The following OR14I1 variants were observed in gnomAD, a reference collection of about 807,000 sequenced individuals.
The protein encoded by OR14I1 is olfactory receptor family 14 subfamily I member 1.
For missense variants in OR14I1, 279 were observed against 181.8 expected, an observed-to-expected ratio of 1.53 and a Z score of -3.07; for synonymous variants, 118 against 71.1, an observed-to-expected ratio of 1.66 and a Z score of -3.32.
the OR14I1 span, among the ~76,000 whole-genome samples, chr1:248,699,549 G>T: frequency 6.6e-6 from 1 of 152,116 alleles, no homozygotes. Context: ...AGGAGGAGTG[G>T]GGGAGAGGAA....
At chr1:248,697,780 T>A in the OR14I1 span, among the ~76,000 whole-genome samples, 2 of 152,064 alleles carry the variant, frequency 1.3e-5, no homozygotes, top group Non-Finnish European at 2.9e-5. Context: ...CAAAACTCCA[T>A]CTCAAAAAAA....
At chr1:248,679,015 A>C (rs1654052771), downstream of OR14I1, among the ~76,000 whole-genome samples, 1 of 152,208 alleles carries the variant, frequency 6.6e-6, no homozygotes, top group African/African-American at 2.4e-5. Flanking sequence ...GGCTTGTCTA[A>C]AATTTGTATA....
chr1:248,702,347 C>A, the OR14I1 span, among the ~76,000 whole-genome samples: 1 of 152,142 alleles, frequency 6.6e-6, no homozygotes, highest in Non-Finnish European at 1.5e-5. Flanking sequence ...TACTCTCATT[C>A]CAAAAGGGAG....
At chr1:248,685,163 TAAATA>T (rs1211993940), upstream of OR14I1, among the ~76,000 whole-genome samples, 3 of 152,034 alleles carry the variant, frequency 2.0e-5, no homozygotes, top group Non-Finnish European at 4.4e-5. Flanking sequence ...CATTATAGAT[TAAATA>T]AAATACCTCA....
At chr1:248,691,608 C>T in the OR14I1 span, among the ~76,000 whole-genome samples, 3 of 152,230 alleles carry the variant, frequency 2.0e-5, no homozygotes, top group Non-Finnish European at 2.9e-5. Context: ...GGAACTAGCC[C>T]ACCAGGCTTT....
the OR14I1 span, among the ~76,000 whole-genome samples, chr1:248,701,961 C>G: frequency 6.6e-6 from 1 of 152,094 alleles, no homozygotes; most frequent in African/African-American, 2.4e-5. Context: ...AGGAAACTTA[C>G]AATCACGGTG....
downstream of OR14I1, among the ~76,000 whole-genome samples, chr1:248,680,566 C>G (rs1209608638): frequency 6.6e-6 from 1 of 152,206 alleles, no homozygotes; most frequent in African/African-American, 2.4e-5. Flanking sequence ...GGGACTCACG[C>G]TCAGGTGTTC....
At chr1:248,678,614 A>G (rs1001309060), downstream of OR14I1, among the ~76,000 whole-genome samples, 9 of 152,258 alleles carry the variant, frequency 5.9e-5, no homozygotes, top group Non-Finnish European at 8.8e-5. Context: ...TTCATTAATT[A>G]TAGTTGTTGT....
At chr1:248,682,112 A>G (rs1205812271) in exon 1 of OR14I1, 23 of 780,970 alleles carry the variant, frequency 2.9e-5, no homozygotes, top group Non-Finnish European at 4.8e-5. Flanking sequence ...TCCAAAACGG[A>G]GAGGTTCTTC....
chr1:248,701,161 T>C, the OR14I1 span, among the ~76,000 whole-genome samples: 2 of 152,174 alleles, frequency 1.3e-5, no homozygotes, highest in Admixed American at 6.5e-5. Context: ...CTTTTAACTT[T>C]TTTTTTTTGA....
At chr1:248,695,696 G>T in the OR14I1 span, among the ~76,000 whole-genome samples, 3 of 152,086 alleles carry the variant, frequency 2.0e-5, no homozygotes, top group Non-Finnish European at 4.4e-5. Context: ...GCAGCACCCA[G>T]CTCCCAGGCC....
At chr1:248,689,871 A>C in the OR14I1 span, among the ~76,000 whole-genome samples, 1 of 152,224 alleles carries the variant, frequency 6.6e-6, no homozygotes, top group African/African-American at 2.4e-5. Context: ...AAATCATAAC[A>C]AACAGTCTTT....
At chr1:248,687,173 A>G (rs1661671701), upstream of OR14I1, among the ~76,000 whole-genome samples, 1 of 152,248 alleles carries the variant, frequency 6.6e-6, no homozygotes, top group African/African-American at 2.4e-5. Context: ...AGGAGAGTAA[A>G]CAGTGAAAAA....
At chr1:248,691,162 G>A in the OR14I1 span, among the ~76,000 whole-genome samples, 1 of 152,212 alleles carries the variant, frequency 6.6e-6, no homozygotes, top group South Asian at 2.1e-4. Context: ...CATCAAAACA[G>A]CAGTTGGGTA....
the OR14I1 span, among the ~76,000 whole-genome samples, chr1:248,695,262 C>T: frequency 8.3e-6 from 1 of 120,652 alleles, no homozygotes; most frequent in South Asian, 2.8e-4. Flanking sequence ...GAGAGGGAGT[C>T]TCGCTCTGTC....
the OR14I1 span, among the ~76,000 whole-genome samples, chr1:248,695,834 A>C: frequency 6.6e-6 from 1 of 152,218 alleles, no homozygotes; most frequent in Non-Finnish European, 1.5e-5. Flanking sequence ...CAATAATAAA[A>C]TATTTTCCAT....
upstream of OR14I1, among the ~76,000 whole-genome samples, chr1:248,687,250 A>C (rs1050563202): frequency 6.6e-6 from 1 of 152,238 alleles, no homozygotes; most frequent in Non-Finnish European, 1.5e-5. Context: ...CCAGACATTT[A>C]AGTACTCAGA....
At chr1:248,694,531 C>T in the OR14I1 span, among the ~76,000 whole-genome samples, 1 of 152,074 alleles carries the variant, frequency 6.6e-6, no homozygotes, top group Non-Finnish European at 1.5e-5. Context: ...ATATCAAATG[C>T]TCTACATCTT....
the OR14I1 span, among the ~76,000 whole-genome samples, chr1:248,688,724 T>C: frequency 6.6e-6 from 1 of 152,170 alleles, no homozygotes. Context: ...AAGAAAGAAT[T>C]GGCAGAGTAT....
Sources: allele counts gnomAD v4.1 joint callset (sites outside exome capture counted in the v4.1 genomes callset), GRCh38; gene constraint gnomAD v4.1.1; transcripts MANE v1.5; gene names NCBI Gene and HGNC (gene_info 2026-07-23, HGNC 2026-07-21).